Variants in CHD6 observed in about 807,000 individuals in gnomAD.
CHD6 encodes the protein chromodomain helicase DNA binding protein 6.
Under a neutral mutation model 276.9 loss-of-function variants are expected in CHD6, and 50 were observed. The ratio of observed to expected loss-of-function variants is 0.18; its 90% confidence interval spans 0.14 to 0.23. The LOEUF is 0.23. CHD6 is among the 10% of genes least tolerant of loss of function. The pLI is 1.00. For missense variants in CHD6, 2,564 were observed against 3,365.8 expected (o/e 0.76, Z 5.89); for synonymous variants, 1,173 against 1,229.3 (o/e 0.95, Z 0.96).
rs138999222 is a variant in CHD6, at chr20:41,541,927, A to G, written c.34-8357T>C. Among the ~76,000 whole-genome samples the G allele has an allele frequency of 1.5e-4, 23 of 152,332 alleles. No homozygotes were observed. In the East Asian group the frequency reaches 1.9e-3, roughly 13 times the overall value. On this transcript the variant is annotated intron_variant, in intron 2 of 36. Transcript: ENST00000373233. ...AGAGTCTTAGAAATTTGAAATCTCT[A>G]AATATGCCGTCAACCTAATTCTTGT...
At chr20:41,603,223 G>A (rs967833768) in intron 1 of CHD6, among the ~76,000 whole-genome samples, 4 of 151,898 alleles carry the variant, frequency 2.6e-5, no homozygotes, top group African/African-American at 9.7e-5. Flanking sequence ...TGAGTGGCAG[G>A]TGCCAGCAGT....
At chr20:41,483,795 A>G (rs2043349861) in intron 15 of CHD6, among the ~76,000 whole-genome samples, 2 of 152,138 alleles carry the variant, frequency 1.3e-5, no homozygotes, top group Non-Finnish European at 2.9e-5. Context: ...ACCCAAGTAA[A>G]GAAACCTTCC....
At chr20:41,583,795 T>A (rs998625658) in intron 1 of CHD6, among the ~76,000 whole-genome samples, 1 of 152,162 alleles carries the variant, frequency 6.6e-6, no homozygotes, top group African/African-American at 2.4e-5. Context: ...TCTCATACTA[T>A]ATGAGAAGTA....
chr20:41,562,642 A>C (rs2045313918), intron 1 of CHD6, among the ~76,000 whole-genome samples: 1 of 152,170 alleles, frequency 6.6e-6, no homozygotes, highest in Non-Finnish European at 1.5e-5. Context: ...TAAATTTCTG[A>C]TGTTCTCTAC....
In CHD6 at chr20:41,488,607, G is replaced by T. The variant is rs2043473905; in HGVS notation, c.1681-3C>A. 1 of 1,611,518 alleles carries T rather than the reference G, an allele frequency of 6.2e-7. No homozygotes were observed. Among genetic ancestry groups the T allele is most frequent in the South Asian group, 1.1e-5 (1 of 90,674 alleles). On this transcript the variant is annotated splice_polypyrimidine_tract_variant and splice_region_variant and intron_variant, in intron 12 of 36. Transcript: ENST00000373233. ...AAGACTCCTGAAAGGGGGTTTCCCT[G>T]AGGATGACACAACCAAAGTCAAAGC...
At chr20:41,590,864 A>G in intron 1 of CHD6, among the ~76,000 whole-genome samples, 1 of 151,596 alleles carries the variant, frequency 6.6e-6, no homozygotes, top group Non-Finnish European at 1.5e-5. Context: ...TACTGGGTAT[A>G]TACCCAAAGG....
At chr20:41,586,301 C>T (rs750040040) in intron 1 of CHD6, among the ~76,000 whole-genome samples, 12 of 152,238 alleles carry the variant, frequency 7.9e-5, no homozygotes, top group African/African-American at 2.7e-4. Context: ...CCTCCGGATC[C>T]GGCAGGGTGT....
intron 1 of CHD6, among the ~76,000 whole-genome samples, chr20:41,583,398 GA>G (rs563377722): frequency 7.6e-5 from 11 of 145,014 alleles, no homozygotes; most frequent in East Asian, 6.0e-4. Context: ...AGTAATGAAG[GA>G]AAAAAAAAAC....
chr20:41,610,772 T>C (rs2045879283), intron 1 of CHD6, among the ~76,000 whole-genome samples: 1 of 150,450 alleles, frequency 6.6e-6, no homozygotes, highest in South Asian at 2.1e-4. Context: ...AATAAATAAA[T>C]AAATAAATAA....
intron 2 of CHD6, among the ~76,000 whole-genome samples, chr20:41,549,868 G>A (rs539041945): frequency 7.2e-5 from 11 of 152,140 alleles, no homozygotes; most frequent in South Asian, 4.2e-4. Context: ...GTGCAATCTC[G>A]GCTCACTGCA....
At chr20:41,417,457 AT>A in intron 31 of CHD6, 108 bp from the exon 32 acceptor site, 1 of 887,740 alleles carries the variant, frequency 1.1e-6, no homozygotes, top group Non-Finnish European at 1.7e-6. Flanking sequence ...AAATTAGCTC[AT>A]TCTGTGCTAT....
chr20:41,417,861 C>T (rs1443227420), intron 31 of CHD6, among the ~76,000 whole-genome samples: 3 of 152,222 alleles, frequency 2.0e-5, no homozygotes, highest in African/African-American at 7.2e-5. Flanking sequence ...CAGAACATTT[C>T]AATTACTTCA....
At chr20:41,562,166 T>C (rs1407237188) in intron 1 of CHD6, among the ~76,000 whole-genome samples, 1 of 152,206 alleles carries the variant, frequency 6.6e-6, no homozygotes, top group Non-Finnish European at 1.5e-5. Flanking sequence ...AACTTTCTCT[T>C]TCAAGCCTTC....
At chr20:41,454,533 C>A (rs1450588552) in intron 20 of CHD6, 93 bp downstream of exon 20, 16 of 949,642 alleles carry the variant, frequency 1.7e-5, no homozygotes, top group Non-Finnish European at 2.6e-5. Flanking sequence ...AACCAAGACT[C>A]AAGAGTAAAT....
chr20:41,421,673 G>A lies in CHD6; in HGVS notation c.4962C>T (p.Ser1654=). 1.9e-6 allele frequency: 3 copies of A among 1,613,274 alleles called. No individual in the cohort carries two copies. Among genetic ancestry groups the A allele is most frequent in the Non-Finnish European group, 2.5e-6 (3 of 1,179,454 alleles). ...TYSQMSRTSE[S]LENEPENLVR... is the part of the protein sequence containing the mutation. ...CTAGATTTTCAGGTTCATTTTCAAG[G>A]GACTCTGAAGTCCTACTCATTTGAG... is the stretch of plus-strand genomic sequence containing the variant. Residue 1654 remains serine (S), a synonymous_variant, in exon 31 of 37, where the codon TCC becomes TCT. Transcript: ENST00000373233.
At position 41,457,251 on chromosome 20, in the gene CHD6, C is replaced by T; in HGVS notation, c.2829+13G>A. ...TGTTCCTTAAGACTCCAGAGCAGGC[C>T]CATCACACTCACCCCATTGGTGCCG... On this transcript the variant is annotated intron_variant, in intron 18 of 36. Transcript: ENST00000373233. 6.2e-7 allele frequency: 1 copy of T among 1,609,782 alleles called. No homozygotes were observed. Among genetic ancestry groups the T allele is most frequent in the South Asian group, 1.1e-5 (1 of 90,912 alleles).
At chr20:41,588,438 A>G (rs2045619437) in intron 1 of CHD6, among the ~76,000 whole-genome samples, 1 of 152,150 alleles carries the variant, frequency 6.6e-6, no homozygotes, top group Admixed American at 6.5e-5. Flanking sequence ...ACTAGAGGAT[A>G]AGCCCATCAG....
At position 41,478,944 on chromosome 20, in the gene CHD6, C is replaced by T. The variant is rs376399808; in HGVS notation, c.2468+4365G>A. Among the ~76,000 whole-genome samples, 34 of 152,234 alleles carry T rather than the reference C, an allele frequency of 2.2e-4. No homozygotes were observed. The East Asian group carries it at 3.3e-3, about 15-fold the overall frequency. On this transcript the variant is annotated intron_variant, in intron 16 of 36. Coordinates refer to ENST00000373233, the MANE Select transcript of CHD6 (RefSeq NM_032221.5). ...AATTCAGACAAGAACTTTAAAGCTG[C>T]TATTATGCTGACGCTTAATGAAGTC...
rs1228724162 is a variant in CHD6, at chr20:41,421,445, A to C, written c.5190T>G (p.Ser1730=). ...TTGAGATGGTAATAACATCTTTTCTAGATTCAGTATTGGTACTTGGGCTCT... is the reference window on the plus strand; with the variant it reads ...TTGAGATGGTAATAACATCTTTTCTCGATTCAGTATTGGTACTTGGGCTCT... ...FQESPSTNTE[S]RKDVITISIS... The change falls in exon 31 of 37, where the codon TCT becomes TCG. Residue 1730 remains serine (S), a synonymous_variant. Coordinates refer to ENST00000373233, the MANE Select transcript of CHD6 (RefSeq NM_032221.5). 2 of 1,614,120 alleles carry C rather than the reference A, an allele frequency of 1.2e-6. No homozygotes were observed. The highest frequency in any genetic ancestry group is 1.7e-5 in the Admixed American group (1 of 60,018).
Sources: allele counts gnomAD v4.1 joint callset (sites outside exome capture counted in the v4.1 genomes callset), GRCh38; gene constraint gnomAD v4.1.1; transcripts MANE v1.5; gene names NCBI Gene and HGNC (gene_info 2026-07-23, HGNC 2026-07-21).